Variants in MYOM1 observed in about 807,000 individuals in gnomAD.
MYOM1 encodes the protein myomesin-1.
MYOM1 carries 164 observed loss-of-function variants against 205.3 expected under a neutral mutation model. That is an observed-to-expected ratio of 0.80 (90% CI 0.70 to 0.91). MYOM1 has a LOEUF of 0.91. MYOM1 is among the 40% of genes least tolerant of loss of function. The probability of loss-of-function intolerance (pLI) is 0.00; values close to 1 mark genes in which losing one functional copy is unlikely to be tolerated. For synonymous variants in MYOM1, 772 were observed against 789.4 expected (o/e 0.98, Z 0.37); for missense variants, 2,011 against 2,127.3 (o/e 0.95, Z 1.08).
chr18:3,163,485 C>A (rs1359496912), intron 10 of MYOM1, among the ~76,000 whole-genome samples: 1 of 152,126 alleles, frequency 6.6e-6, no homozygotes, highest in South Asian at 2.1e-4. Flanking sequence ...CAGGGTCTCA[C>A]TCTGTCACCC....
intron 18 of MYOM1, among the ~76,000 whole-genome samples, chr18:3,128,937 A>G (rs1180825998): frequency 6.6e-6 from 1 of 152,206 alleles, no homozygotes; most frequent in Non-Finnish European, 1.5e-5. Context: ...TCTCTTAGCA[A>G]AATCAGGCCA....
Position 3,086,058 on chromosome 18 carries a change from A to C in MYOM1, c.4231T>G (p.Cys1411Gly). 6.2e-7 allele frequency: 1 copy of C among 1,607,328 alleles called. No homozygotes were observed. Among genetic ancestry groups the C allele is most frequent in the Non-Finnish European group, 8.5e-7 (1 of 1,175,856 alleles). The change falls in exon 30 of 38, where the codon TGT becomes GGT. Residue 1411 changes from cysteine to glycine, a missense_variant. By Grantham distance (159) the Cys-to-Gly change is radical. Coordinates refer to ENST00000356443, the MANE Select transcript of MYOM1 (RefSeq NM_003803.4). ...CCTACCTCTGTTATAAGCAGGGTAC[A>C]TATACCATCCTTAAAGTCATGCTTT... ...DEKHDFKDGI[C>G]TLLITEFSKK...
At chr18:3,217,432 G>T (rs150849899) in intron 1 of MYOM1, among the ~76,000 whole-genome samples, 1 of 152,230 alleles carries the variant, frequency 6.6e-6, no homozygotes. Flanking sequence ...ATGTGGGAAA[G>T]TATCAGTTTG....
At chr18:3,204,885 A>C (rs1310140605) in intron 2 of MYOM1, among the ~76,000 whole-genome samples, 1 of 152,102 alleles carries the variant, frequency 6.6e-6, no homozygotes, top group African/African-American at 2.4e-5. Flanking sequence ...AGGGAACAGA[A>C]TTGATAGTCC....
chr18:3,068,496 C>A (rs747761874), intron 37 of MYOM1, among the ~76,000 whole-genome samples: 1 of 151,980 alleles, frequency 6.6e-6, no homozygotes, highest in Non-Finnish European at 1.5e-5. Context: ...CCACAAGAAC[C>A]CCTTGCGTTG....
intron 8 of MYOM1, 101 bp from the exon 9 acceptor site, chr18:3,169,082 ATGAAC>A: frequency 2.0e-6 from 2 of 1,008,612 alleles, no homozygotes; most frequent in South Asian, 1.6e-5. Flanking sequence ...CAAAAAAAAA[ATGAAC>A]AAATGAGCAA....
chr18:3,130,352 T>C (rs1598704580), intron 17 of MYOM1, among the ~76,000 whole-genome samples: 3 of 152,128 alleles, frequency 2.0e-5, no homozygotes, highest in African/African-American at 7.2e-5. Context: ...CCCTATGTTA[T>C]AAGGAATATG....
Position 3,135,570 on chromosome 18 carries a change from A to G in MYOM1, c.2186T>C (p.Val729Ala). The G allele has an allele frequency of 6.2e-7, 1 of 1,613,500 alleles. No homozygotes were observed. The highest frequency in any genetic ancestry group is 1.7e-5 in the Admixed American group (1 of 59,940). The change falls in exon 15 of 38, where the codon GTG (valine) becomes GCG (alanine). Residue 729 changes from valine (V) to alanine (A), a missense_variant. Coordinates refer to ENST00000356443, the MANE Select transcript of MYOM1 (RefSeq NM_003803.4). The surrounding 1 kb of genome is among the most constrained non-coding windows in gnomAD (Gnocchi z 4.1). ...ACCAAGTTTGTCCCCTACCACAGTC[A>G]CCTCCGTTGCCTCTGAGGGCTCACC... Reference protein sequence around the residue: ...GVGEPSEATEVTVVGDKLDIP... With the variant: ...GVGEPSEATEATVVGDKLDIP...
At chr18:3,205,425 A>T (rs535459341) in intron 2 of MYOM1, among the ~76,000 whole-genome samples, 12 of 152,348 alleles carry the variant, frequency 7.9e-5, no homozygotes, top group African/African-American at 2.9e-4. Flanking sequence ...TAGGCATTTC[A>T]CTAAAGAAGA....
At chr18:3,097,990 A>G (rs963187105) in intron 25 of MYOM1, among the ~76,000 whole-genome samples, 4 of 152,144 alleles carry the variant, frequency 2.6e-5, no homozygotes, top group African/African-American at 9.7e-5. Flanking sequence ...TCTCATCTCC[A>G]ACCTTTAAGC....
chr18:3,122,807 C>A (rs9948588), intron 19 of MYOM1, among the ~76,000 whole-genome samples: 79,378 of 151,928 alleles, frequency 0.52, 21,304 homozygotes, highest in East Asian at 0.91. Flanking sequence ...CAATAGACCC[C>A]AAAAATGTTT....
chr18:3,106,151 T>C (rs1405329750), intron 22 of MYOM1, among the ~76,000 whole-genome samples: 1 of 152,218 alleles, frequency 6.6e-6, no homozygotes, highest in East Asian at 1.9e-4. Flanking sequence ...TAAAGGAGGA[T>C]GTCTGTAGGC....
At chr18:3,182,625 G>C (rs2080751912) in intron 5 of MYOM1, among the ~76,000 whole-genome samples, 1 of 152,064 alleles carries the variant, frequency 6.6e-6, no homozygotes, top group Admixed American at 6.6e-5. Context: ...CCTTTGACAA[G>C]GCTCCCCCTC....
At chr18:3,191,651 G>A (rs1211675955) in intron 3 of MYOM1, among the ~76,000 whole-genome samples, 1 of 151,862 alleles carries the variant, frequency 6.6e-6, no homozygotes, top group Non-Finnish European at 1.5e-5. Flanking sequence ...AAGATATAAT[G>A]GAGAACTAGA....
intron 5 of MYOM1, among the ~76,000 whole-genome samples, chr18:3,177,906 G>C (rs1021593948): frequency 2.0e-5 from 3 of 152,182 alleles, no homozygotes; most frequent in African/African-American, 7.2e-5. Context: ...AGAGCTGAAA[G>C]CCTCCCTTTT....
In MYOM1 at chr18:3,169,126, TAC is replaced by T. The variant is rs2080516757; in HGVS notation, c.1175-147_1175-146del. On this transcript the variant is annotated intron_variant, in intron 8 of 37. Coordinates refer to ENST00000356443, the MANE Select transcript of MYOM1 (RefSeq NM_003803.4). ...ATTTAACTGGGTCAAAATGAAACCG[TAC>T]ATAAGAAGTATTTAGAACATATGCA... The T allele has an allele frequency of 4.3e-6, 3 of 703,286 alleles. No individual in the cohort carries two copies. In the African/African-American group the frequency reaches 5.4e-5, roughly 13 times the overall value. The allele number at this position is 703,286 out of a possible 1,614,324, so 43.6% of individuals were successfully genotyped here.
In MYOM1 at chr18:3,067,081, TAAAG is replaced by T. The variant is rs2078903149; in HGVS notation, c.*177_*180del. The T allele has an allele frequency of 1.5e-6, 1 of 646,046 alleles. No homozygotes were observed. The highest frequency in any genetic ancestry group is 1.8e-5 in the African/African-American group (1 of 54,850). The allele number at this position is 646,046 out of a possible 1,614,324, so 40.0% of individuals were successfully genotyped here. A position where few individuals can be genotyped will look rare whatever the true frequency, so the allele number is the denominator to read the frequency against. The stretch of plus-strand genomic sequence containing the variant: ...TTTTCTTAACACATAATTTTGTAGA[TAAAG>T]AAAAACAATTAAAGTGTCATTAGTT... On this transcript the variant is annotated 3_prime_UTR_variant, in exon 38 of 38. Transcript: ENST00000356443.
intron 25 of MYOM1, among the ~76,000 whole-genome samples, chr18:3,099,459 C>T (rs181443810): frequency 6.6e-5 from 10 of 152,258 alleles, no homozygotes; most frequent in African/African-American, 9.6e-5. Context: ...CTATCACTTT[C>T]TACTTGTTTT....
At chr18:3,197,376 G>A (rs966313101) in intron 2 of MYOM1, among the ~76,000 whole-genome samples, 1 of 151,948 alleles carries the variant, frequency 6.6e-6, no homozygotes, top group Non-Finnish European at 1.5e-5. Context: ...GATCTCAGGT[G>A]ATCCGCCTGC....
Sources: gnomAD v4.1 joint callset for allele counts (sites outside exome capture counted in the v4.1 genomes callset) on GRCh38, gnomAD v4.1.1 for gene constraint, Gnocchi (gnomAD v3.1) non-coding constraint, MANE v1.5 for transcripts, NCBI Gene and HGNC (gene_info 2026-07-23, HGNC 2026-07-21) for gene names.